Variants in TSFM observed in about 807,000 individuals in gnomAD.
TSFM encodes the protein elongation factor Ts, mitochondrial.
Under a neutral mutation model 33.4 loss-of-function variants are expected in TSFM, and 29 were observed. The observed-to-expected ratio is 0.87, with a 90% CI of 0.65 to 1.18. TSFM has a LOEUF of 1.18. Among genes scored for constraint, TSFM ranks in the 50% most tolerant of loss-of-function variants. TSFM has a pLI of 0.00. For synonymous variants in TSFM, 178 were observed against 163.5 expected (o/e 1.09, Z -0.68); for missense variants, 394 against 395.6 (o/e 1.00, Z 0.04).
At chr12:57,797,835 T>C, downstream of TSFM, 1 of 1,402,396 alleles carries the variant, frequency 7.1e-7, no homozygotes, top group Non-Finnish European at 9.7e-7. Context: ...ATATTGGCAC[T>C]ATCTGCTCTT....
At chr12:57,783,959 T>TG (rs1565820217) in intron 2 of TSFM, 1 of 702,920 alleles carries the variant, frequency 1.4e-6, no homozygotes, top group Non-Finnish European at 2.6e-6. Flanking sequence ...AGTTTTTGCC[T>TG]GTACGGTCAT....
Position 57,797,366 on chromosome 12 carries a change from A to G in TSFM, c.*783A>G. Reference sequence around the variant, plus strand: ...TAACAAGCAGACCCAGAATACTGAAAATAACTCCATTTGTTCATTATAGGT... The same window carrying G: ...TAACAAGCAGACCCAGAATACTGAAGATAACTCCATTTGTTCATTATAGGT... On this transcript the variant is annotated 3_prime_UTR_variant, in exon 6 of 6. Transcript: ENST00000652027. 1.0e-6 allele frequency: 1 copy of G among 985,384 alleles called. No homozygotes were observed. The highest frequency in any genetic ancestry group is 1.2e-6 in the Non-Finnish European group (1 of 829,896). 61.0% of individuals were successfully genotyped at this position (985,384 alleles called of 1,614,324 possible).
intron 4 of TSFM, among the ~76,000 whole-genome samples, chr12:57,790,060 CTTTTT>C (rs35382401): frequency 2.8e-5 from 3 of 105,438 alleles, no homozygotes; most frequent in African/African-American, 7.3e-5. Flanking sequence ...TTCTTTCTTT[CTTTTT>C]TTTTTTTTTT....
rs114715845 is a variant in TSFM, at chr12:57,785,987, C to G, written c.232-176C>G. Among the ~76,000 whole-genome samples, 319 of 152,282 alleles carry G rather than the reference C, an allele frequency of 2.1e-3. 1 individual carries two copies. Among genetic ancestry groups the G allele is most frequent in the African/African-American group, 7.2e-3 (301 of 41,540 alleles). On this transcript the variant is annotated intron_variant, in intron 2 of 5. Transcript: ENST00000652027. ...TGAAGATTAGATTCATCCAAGGCACCAGTTATAATAATACCTGGTATTTGG... is the reference window on the plus strand; with the variant it reads ...TGAAGATTAGATTCATCCAAGGCACGAGTTATAATAATACCTGGTATTTGG...
At chr12:57,786,991 G>A in intron 3 of TSFM, 49 bp from the exon 4 acceptor site, 1 of 1,570,874 alleles carries the variant, frequency 6.4e-7, no homozygotes, top group Non-Finnish European at 8.6e-7. Context: ...GGCACTTTTG[G>A]AAATTATCAT....
intron 2 of TSFM, 105 bp downstream of exon 2, chr12:57,783,388 A>C (rs1446011908): frequency 1.1e-5 from 15 of 1,354,702 alleles, no homozygotes; most frequent in Non-Finnish European, 1.5e-5. Context: ...CAGTGACCAT[A>C]ATGGCACAGT....
intron 4 of TSFM, among the ~76,000 whole-genome samples, chr12:57,789,955 A>G (rs1300163222): frequency 6.6e-6 from 1 of 151,902 alleles, no homozygotes; most frequent in Non-Finnish European, 1.5e-5. Context: ...TCCTTTCCCC[A>G]ACTGTGGAAT....
At chr12:57,792,252 G>GA (rs1489735631) in intron 4 of TSFM, among the ~76,000 whole-genome samples, 1 of 151,478 alleles carries the variant, frequency 6.6e-6, no homozygotes, top group Non-Finnish European at 1.5e-5. Flanking sequence ...TCAAAAAAAA[G>GA]AAAAAACTGT....
rs764929247 is a variant in TSFM, at chr12:57,783,096, C to T, written c.58-14C>T. ...GCTGCTTCCTGCTCCTCATCCCTTT[C>T]TTATCTCATCTAGGCTGGGTCTCTT... is the stretch of plus-strand genomic sequence containing the variant. On this transcript the variant is annotated splice_polypyrimidine_tract_variant and intron_variant, in intron 1 of 5. Transcript: ENST00000652027. 11 of 1,601,330 alleles carry T rather than the reference C, an allele frequency of 6.9e-6. No homozygotes were observed. The East Asian group carries it at 8.9e-5, about 13-fold the overall frequency.
chr12:57,799,428 A>T (rs1955801222), downstream of TSFM, among the ~76,000 whole-genome samples: 1 of 152,214 alleles, frequency 6.6e-6, no homozygotes, highest in Non-Finnish European at 1.5e-5. Flanking sequence ...GTGGGAAGCT[A>T]TTCCAGGTGT....
Position 57,796,685 on chromosome 12 carries a change from G to T in TSFM, c.*102G>T, listed in dbSNP as rs1220002510. On this transcript the variant is annotated 3_prime_UTR_variant, in exon 6 of 6. Coordinates refer to ENST00000652027, the MANE Select transcript of TSFM (RefSeq NM_005726.6). ...ACCTCTTCAGACCGAGAATGCATGG[G>T]TAAAATTATTAAATAGTTGTATAAT... 3 of 1,256,092 alleles carry T rather than the reference G, an allele frequency of 2.4e-6. No individual in the cohort carries two copies. Among genetic ancestry groups the T allele is most frequent in the East Asian group, 6.2e-5 (2 of 32,414 alleles). The allele number at this position is 1,256,092 out of a possible 1,614,324, so 77.8% of individuals were successfully genotyped here. A position where few individuals can be genotyped will look rare whatever the true frequency, so the allele number is the denominator to read the frequency against.
At chr12:57,783,467 A>G in intron 2 of TSFM, 184 bp downstream of exon 2, 1 of 757,784 alleles carries the variant, frequency 1.3e-6, no homozygotes, top group East Asian at 2.6e-5. Context: ...GCAGTTGAGT[A>G]TCCCAGGATT....
Position 57,787,183 on chromosome 12 carries a change from C to T in TSFM, c.483+21C>T, listed in dbSNP as rs753768032. 2.6e-6 allele frequency: 4 copies of T among 1,551,624 alleles called. No individual in the cohort carries two copies. In the South Asian group the frequency reaches 4.8e-5, roughly 18 times the overall value. On this transcript the variant is annotated intron_variant, in intron 4 of 5. Coordinates refer to ENST00000652027, the MANE Select transcript of TSFM (RefSeq NM_005726.6). Reference sequence around the variant, plus strand: ...GTAAAGTAAGTTTGGGATTTGTCTCCAGTGTGCTGAATTTGCTGTCCTCAT... The same window carrying T: ...GTAAAGTAAGTTTGGGATTTGTCTCTAGTGTGCTGAATTTGCTGTCCTCAT...
Position 57,792,985 on chromosome 12 carries a change from G to C in TSFM, c.484-1G>C, listed in dbSNP as rs753609161. On this transcript the variant is annotated splice_acceptor_variant, in intron 4 of 5. Coordinates refer to ENST00000652027, the MANE Select transcript of TSFM (RefSeq NM_005726.6). LOFTEE classifies it high-confidence loss of function. The stretch of plus-strand genomic sequence containing the variant: ...CATGTTTGTTTTCTTCGTGCACTTA[G>C]GGTTTCTTGAATTCCTCTGAGCTTT... 1 of 1,613,574 alleles carries C rather than the reference G, an allele frequency of 6.2e-7. No individual in the cohort carries two copies. Among genetic ancestry groups the C allele is most frequent in the Non-Finnish European group, 8.5e-7 (1 of 1,179,566 alleles).
chr12:57,799,060 A>G (rs1221277710), downstream of TSFM, among the ~76,000 whole-genome samples: 3 of 152,318 alleles, frequency 2.0e-5, no homozygotes, highest in East Asian at 3.9e-4. Flanking sequence ...CCTTTTAAGG[A>G]TATTACTAGA....
chr12:57,797,279 A>G lies in TSFM; in HGVS notation c.*696A>G. On this transcript the variant is annotated 3_prime_UTR_variant, in exon 6 of 6. Transcript: ENST00000652027. ...GTCCAGTTACCCAGAGAGCTCACTTAACATTGCCTCTTTACTTCCCCAGTA... is the reference window on the plus strand; with the variant it reads ...GTCCAGTTACCCAGAGAGCTCACTTGACATTGCCTCTTTACTTCCCCAGTA... 1.0e-6 allele frequency: 1 copy of G among 985,470 alleles called. No individual in the cohort carries two copies. The highest frequency in any genetic ancestry group is 1.2e-6 in the Non-Finnish European group (1 of 829,948). The allele number at this position is 985,470 out of a possible 1,614,324, so 61.0% of individuals were successfully genotyped here.
chr12:57,797,828 T>C, downstream of TSFM: 1 of 1,330,600 alleles, frequency 7.5e-7, no homozygotes, highest in African/African-American at 1.5e-5. Flanking sequence ...TTTCCTGATA[T>C]TGGCACTATC....
rs765067055 is a variant in TSFM at position 57,796,227 on chromosome 12, C to G, written c.622C>G (p.Pro208Ala). 1 of 1,607,256 alleles carries G rather than the reference C, an allele frequency of 6.2e-7. No homozygotes were observed. Among genetic ancestry groups the G allele is most frequent in the South Asian group, 1.1e-5 (1 of 90,394 alleles). The change falls in exon 6 of 6, where the codon CCA becomes GCA. Residue 208 changes from proline to alanine, a missense_variant. Coordinates refer to ENST00000652027, the MANE Select transcript of TSFM (RefSeq NM_005726.6). ...TAAACGAGCTGCATGGGTGAAGGTG[C>G]CATCTGGGTTCTACGTTGGCTCTTA... is the stretch of plus-strand genomic sequence containing the variant. ...ILKRAAWVKV[P>A]SGFYVGSYVH...
chr12:57,793,380 G>C (rs1000293278), intron 5 of TSFM, among the ~76,000 whole-genome samples: 1 of 152,092 alleles, frequency 6.6e-6, no homozygotes, highest in Non-Finnish European at 1.5e-5. Context: ...CTGCCATCAC[G>C]CCTGGCTAAT....
Sources: allele counts gnomAD v4.1 joint callset (sites outside exome capture counted in the v4.1 genomes callset), GRCh38; gene constraint gnomAD v4.1.1; transcripts MANE v1.5; gene names NCBI Gene and HGNC (gene_info 2026-07-23, HGNC 2026-07-21).